Variants in PLS1 observed in about 807,000 individuals in gnomAD.
PLS1 encodes the protein plastin-1.
Under a neutral mutation model 73.7 loss-of-function variants are expected in PLS1, and 32 were observed. That is an observed-to-expected ratio of 0.43 (90% CI 0.33 to 0.58). The LOEUF (loss-of-function observed/expected upper bound fraction) is 0.58. Ranked by LOEUF, PLS1 falls within the 20% of genes least tolerant of loss-of-function variation. PLS1 has a pLI of 0.04. For synonymous variants in PLS1, 217 were observed against 261.3 expected (o/e 0.83, Z 1.63); for missense variants, 633 against 740.5 (o/e 0.85, Z 1.68).
chr3:142,677,167 C>G (rs1308882937), intron 5 of PLS1, among the ~76,000 whole-genome samples: 1 of 152,112 alleles, frequency 6.6e-6, no homozygotes, highest in Admixed American at 6.6e-5. Context: ...ATTAATTTCT[C>G]TGAAAATGTC....
At chr3:142,679,674 C>T (rs1286568163) in intron 6 of PLS1, among the ~76,000 whole-genome samples, 38 of 151,636 alleles carry the variant, frequency 2.5e-4, no homozygotes, top group East Asian at 7.7e-4. Flanking sequence ...TTGGTTACTG[C>T]AGCCTTGTAG....
intron 4 of PLS1, 99 bp downstream of exon 4, chr3:142,671,221 G>A (rs995737923): frequency 2.3e-5 from 23 of 1,018,654 alleles, no homozygotes; most frequent in East Asian, 7.4e-5. Context: ...GATTCATACC[G>A]TTATTTTATG....
chr3:142,698,244 C>T, intron 12 of PLS1, 177 bp downstream of exon 12: 1 of 502,086 alleles, frequency 2.0e-6, no homozygotes, highest in African/African-American at 2.0e-5. Flanking sequence ...GAAGGCAATC[C>T]CTCTAGTCAG....
chr3:142,617,210 G>A (rs1477488224), intron 1 of PLS1, among the ~76,000 whole-genome samples: 1 of 151,156 alleles, frequency 6.6e-6, no homozygotes, highest in Admixed American at 6.6e-5. Context: ...TGCCCCCTTG[G>A]GTACATACAG....
chr3:142,633,160 T>C (rs775701107), intron 1 of PLS1, among the ~76,000 whole-genome samples: 1 of 152,206 alleles, frequency 6.6e-6, no homozygotes, highest in Non-Finnish European at 1.5e-5. Context: ...ATTCCACTCA[T>C]GTGAACCATG....
At chr3:142,645,439 C>T (rs940635970) in intron 1 of PLS1, 3 of 152,226 alleles carry the variant, frequency 2.0e-5, no homozygotes, top group Non-Finnish European at 4.4e-5. Context: ...AGTTTAAACT[C>T]TGACTTGGAA....
intron 4 of PLS1, among the ~76,000 whole-genome samples, chr3:142,675,694 T>C (rs1205837894): frequency 6.7e-6 from 1 of 149,460 alleles, no homozygotes; most frequent in East Asian, 2.0e-4. Context: ...GTTTTTTTTT[T>C]TGAAAGGGTC....
intron 14 of PLS1, among the ~76,000 whole-genome samples, chr3:142,710,602 G>C (rs756779220): frequency 1.1e-4 from 16 of 152,240 alleles, no homozygotes; most frequent in Non-Finnish European, 2.9e-5. Flanking sequence ...ATGAATGTCA[G>C]CTTTCCTTGA....
At chr3:142,617,507 G>T (rs1166189209) in intron 1 of PLS1, among the ~76,000 whole-genome samples, 1 of 152,104 alleles carries the variant, frequency 6.6e-6, no homozygotes, top group Admixed American at 6.5e-5. Context: ...GAGAAATGGG[G>T]AGTGCTTCAG....
chr3:142,667,191 C>T (rs545925326), intron 2 of PLS1, among the ~76,000 whole-genome samples: 41 of 152,176 alleles, frequency 2.7e-4, no homozygotes, highest in Non-Finnish European at 4.1e-4. Context: ...CCGAGGCAGG[C>T]GGATCACAAG....
At chr3:142,670,806 G>T (rs1035054575) in intron 3 of PLS1, among the ~76,000 whole-genome samples, 187 bp from the exon 4 acceptor site, 8 of 152,164 alleles carry the variant, frequency 5.3e-5, no homozygotes, top group Admixed American at 4.6e-4. Flanking sequence ...ACCGTTTGGG[G>T]TTCAAGTATT....
intron 1 of PLS1, among the ~76,000 whole-genome samples, chr3:142,600,006 C>A (rs1206517231): frequency 6.6e-6 from 1 of 152,108 alleles, no homozygotes; most frequent in African/African-American, 2.4e-5. Flanking sequence ...CCTCAGCCTC[C>A]CAATGTGTTA....
chr3:142,638,807 T>C (rs938395844), intron 1 of PLS1, among the ~76,000 whole-genome samples: 3 of 152,088 alleles, frequency 2.0e-5, no homozygotes, highest in Non-Finnish European at 4.4e-5. Context: ...AATGGTGCGA[T>C]CTCAGCTCAC....
chr3:142,597,625 C>T (rs1577747770), intron 1 of PLS1, among the ~76,000 whole-genome samples: 1 of 152,224 alleles, frequency 6.6e-6, no homozygotes, highest in East Asian at 1.9e-4. Context: ...GCTGTAGAGA[C>T]CTTTGAGGTC....
intron 10 of PLS1, among the ~76,000 whole-genome samples, chr3:142,692,292 G>T (rs1388079449): frequency 3.3e-5 from 5 of 152,014 alleles, no homozygotes; most frequent in Non-Finnish European, 7.4e-5. Context: ...CAAATGAAAA[G>T]AATGTTTTAT....
At chr3:142,696,608 T>A (rs1421084447) in intron 11 of PLS1, among the ~76,000 whole-genome samples, 1 of 151,980 alleles carries the variant, frequency 6.6e-6, no homozygotes, top group African/African-American at 2.4e-5. Context: ...TAAAATGTTA[T>A]ATATTTCAAG....
At position 142,600,909 on chromosome 3, in the gene PLS1, TATATA is replaced by T. The variant is rs1385062909; in HGVS notation, c.-37+4401_-37+4405del. On this transcript the variant is annotated intron_variant, in intron 1 of 15. Coordinates refer to ENST00000457734, the MANE Select transcript of PLS1 (RefSeq NM_001145319.2). ...ATATATATATATATATATATATATA[TATATA>T]TATTTTTTTTTTTTTTTTTTTTTTT... Among the ~76,000 whole-genome samples the T allele has an allele frequency of 8.6e-4, 25 of 28,978 alleles. 2 individuals are homozygous for T. Among genetic ancestry groups the T allele is most frequent in the African/African-American group, 5.4e-3 (22 of 4,042 alleles). The allele number at this position is 28,978 out of a possible 152,430, so 19.0% of individuals were successfully genotyped here.
chr3:142,638,728 A>C (rs953663934), intron 1 of PLS1, among the ~76,000 whole-genome samples: 15 of 21,122 alleles, frequency 7.1e-4, no homozygotes, highest in Admixed American at 3.3e-3. Context: ...ATTTTATTTT[A>C]TTTTATTTTA....
In PLS1 at chr3:142,672,067, A is replaced by G. The variant is rs940261037; in HGVS notation, c.364+945A>G. Among the ~76,000 whole-genome samples, 11 of 151,456 alleles carry G rather than the reference A, an allele frequency of 7.3e-5. No individual in the cohort carries two copies. The East Asian group carries it at 2.1e-3, about 29-fold the overall frequency. The stretch of plus-strand genomic sequence containing the variant: ...ACTGAAGTGGCTTCTTTTTAAAGAC[A>G]AAAAAAAATTATTAAGGTATAATAC... On this transcript the variant is annotated intron_variant, in intron 4 of 15. Coordinates refer to ENST00000457734, the MANE Select transcript of PLS1 (RefSeq NM_001145319.2).
Sources: gnomAD v4.1 joint callset for allele counts (sites outside exome capture counted in the v4.1 genomes callset) on GRCh38, gnomAD v4.1.1 for gene constraint, MANE v1.5 for transcripts, NCBI Gene and HGNC (gene_info 2026-07-23, HGNC 2026-07-21) for gene names.